The following GMDS variants were observed in gnomAD, a reference collection of about 807,000 sequenced individuals.
GMDS encodes GDP-mannose 4,6 dehydratase.
Under a neutral mutation model 49.9 loss-of-function variants are expected in GMDS, and 20 were observed. That is an observed-to-expected ratio of 0.40 (90% CI 0.28 to 0.58). The LOEUF is 0.58. Among genes scored for constraint, GMDS ranks in the 20% least tolerant of loss-of-function variants. The pLI is 0.42. For missense variants in GMDS, 362 were observed against 481.4 expected (o/e 0.75, Z 2.32); for synonymous variants, 177 against 178.6 (o/e 0.99, Z 0.07).
intron 9 of GMDS, among the ~76,000 whole-genome samples, chr6:1,674,537 A>G (rs1764534451): frequency 7.0e-6 from 1 of 143,474 alleles, no homozygotes; most frequent in Non-Finnish European, 1.5e-5. Context: ...TGAAGTTCCA[A>G]CTCATCAACT....
chr6:1,722,485 A>G (rs1383335395), intron 9 of GMDS, among the ~76,000 whole-genome samples: 1 of 98,074 alleles, frequency 1.0e-5, no homozygotes, highest in East Asian at 4.8e-4. Context: ...AGTGTTTGAT[A>G]AATACTTAGT....
intron 1 of GMDS, among the ~76,000 whole-genome samples, chr6:2,127,813 G>A (rs1775536498): frequency 6.6e-6 from 1 of 152,176 alleles, no homozygotes; most frequent in Non-Finnish European, 1.5e-5. Context: ...GGTGGTTTCC[G>A]CCTCCTCTTG....
At chr6:2,049,129 G>A (rs1310053974) in intron 4 of GMDS, among the ~76,000 whole-genome samples, 2 of 152,166 alleles carry the variant, frequency 1.3e-5, no homozygotes, top group Non-Finnish European at 2.9e-5. Context: ...CTCCAGAACT[G>A]CAAAAGTAAA....
rs1395155295 is a variant in GMDS at position 2,211,977 on chromosome 6, G to C, written c.102+33344C>G. Among the ~76,000 whole-genome samples the C allele has an allele frequency of 2.0e-5, 3 of 152,110 alleles. No homozygotes were observed. In the South Asian group the frequency reaches 6.2e-4, roughly 32 times the overall value. ...AATTTAACTAAACCTTCAACAATTG[G>C]TAATAATTTAACCCATCTCTTTTTA... On this transcript the variant is annotated intron_variant, in intron 1 of 10. Coordinates refer to ENST00000380815, the MANE Select transcript of GMDS (RefSeq NM_001500.4).
intron 1 of GMDS, among the ~76,000 whole-genome samples, chr6:2,202,690 A>G (rs1779605961): frequency 6.6e-6 from 1 of 152,150 alleles, no homozygotes; most frequent in East Asian, 1.9e-4. Context: ...ACTGCATGAA[A>G]GAGCTATTGA....
chr6:1,665,453 G>T (rs111415820), intron 9 of GMDS, among the ~76,000 whole-genome samples: 38 of 152,242 alleles, frequency 2.5e-4, no homozygotes, highest in African/African-American at 8.4e-4. Flanking sequence ...CCTAAGAATC[G>T]AAAGTGACAA....
At chr6:1,733,444 G>A (rs1387777914) in intron 8 of GMDS, among the ~76,000 whole-genome samples, 4 of 152,200 alleles carry the variant, frequency 2.6e-5, no homozygotes, top group Non-Finnish European at 4.4e-5. Flanking sequence ...GGCAGAACAG[G>A]GGGAGAGAGA....
rs770974623 is a variant in GMDS at position 1,624,068 on chromosome 6, A to G, written c.*101T>C. On this transcript the variant is annotated 3_prime_UTR_variant, in exon 11 of 11. Transcript: ENST00000380815. ...GCAGCGGCAGCAGGGGCCGCAGGGG[A>G]CCCGCAGATTGGCACGCCGCTCCCC... is the stretch of plus-strand genomic sequence containing the variant. 1 of 1,033,428 alleles carries G rather than the reference A, an allele frequency of 9.7e-7. No individual in the cohort carries two copies. Among genetic ancestry groups the G allele is most frequent in the Non-Finnish European group, 1.4e-6 (1 of 692,372 alleles). The allele number at this position is 1,033,428 out of a possible 1,614,324, so 64.0% of individuals were successfully genotyped here.
At chr6:1,948,292 T>C (rs1216186079) in intron 6 of GMDS, among the ~76,000 whole-genome samples, 1 of 152,182 alleles carries the variant, frequency 6.6e-6, no homozygotes, top group Non-Finnish European at 1.5e-5. Flanking sequence ...TCAAACTAAA[T>C]TTCAAAAACT....
At chr6:2,065,140 G>A (rs528649768) in intron 4 of GMDS, among the ~76,000 whole-genome samples, 2 of 152,238 alleles carry the variant, frequency 1.3e-5, no homozygotes, top group East Asian at 3.9e-4. Flanking sequence ...GCCTAACTGG[G>A]AGGCACCCCC....
intron 7 of GMDS, among the ~76,000 whole-genome samples, chr6:1,924,822 A>G (rs1456061637): frequency 6.6e-6 from 1 of 152,196 alleles, no homozygotes; most frequent in Non-Finnish European, 1.5e-5. Flanking sequence ...TTGAGCCTAT[A>G]TGGAGAGAGG....
intron 7 of GMDS, among the ~76,000 whole-genome samples, chr6:1,801,675 G>A (rs1581197780): frequency 2.0e-5 from 3 of 152,332 alleles, no homozygotes; most frequent in Middle Eastern, 3.4e-3. Context: ...GAGCAAATGA[G>A]GCCTGGCTCT....
intron 1 of GMDS, among the ~76,000 whole-genome samples, chr6:2,213,325 C>T (rs1357473318): frequency 1.3e-5 from 2 of 152,068 alleles, no homozygotes; most frequent in African/African-American, 4.8e-5. Context: ...TCCAGCTGCT[C>T]ATTAATCTGT....
At chr6:1,881,706 A>C (rs1180428791) in intron 7 of GMDS, among the ~76,000 whole-genome samples, 1 of 152,206 alleles carries the variant, frequency 6.6e-6, no homozygotes, top group South Asian at 2.1e-4. Context: ...GGACTCCTCT[A>C]ATTCTCATCC....
At chr6:1,697,594 A>G (rs1765389510) in intron 9 of GMDS, among the ~76,000 whole-genome samples, 1 of 152,260 alleles carries the variant, frequency 6.6e-6, no homozygotes, top group Admixed American at 6.5e-5. Flanking sequence ...TCCCCAAACC[A>G]GGCCAGCAGC....
intron 4 of GMDS, among the ~76,000 whole-genome samples, chr6:2,057,213 G>A (rs149859259): frequency 1.3e-5 from 2 of 152,230 alleles, no homozygotes; most frequent in Non-Finnish European, 2.9e-5. Context: ...AAAATACAGT[G>A]ATGTTCTTCT....
chr6:1,848,216 C>G (rs965897584), intron 7 of GMDS, among the ~76,000 whole-genome samples: 4 of 152,180 alleles, frequency 2.6e-5, no homozygotes, highest in African/African-American at 9.7e-5. Context: ...CGCCCCATTT[C>G]ATCATCTACC....
intron 7 of GMDS, among the ~76,000 whole-genome samples, chr6:1,876,429 A>G (rs1376494394): frequency 6.6e-6 from 1 of 152,226 alleles, no homozygotes; most frequent in Non-Finnish European, 1.5e-5. Context: ...TTACGATATA[A>G]TAACTAGGCT....
At chr6:1,748,333 G>A (rs1767595314) in intron 7 of GMDS, among the ~76,000 whole-genome samples, 1 of 151,758 alleles carries the variant, frequency 6.6e-6, no homozygotes, top group South Asian at 2.1e-4. Flanking sequence ...TCTTTTTCAT[G>A]CACATCAATT....
Sources: allele counts gnomAD v4.1 joint callset (sites outside exome capture counted in the v4.1 genomes callset), GRCh38; gene constraint gnomAD v4.1.1; transcripts MANE v1.5; gene names NCBI Gene and HGNC (gene_info 2026-07-23, HGNC 2026-07-21).